SCARA3: variants seen among roughly 807,000 people sequenced by gnomAD.
SCARA3 encodes the protein cellular stress response gene protein.
SCARA3 carries 39 observed loss-of-function variants against 47.0 expected under a neutral mutation model. That is an observed-to-expected ratio of 0.83 (90% confidence interval 0.64 to 1.08). The LOEUF (loss-of-function observed/expected upper bound fraction) is 1.08. Among genes scored for constraint, SCARA3 ranks in the 50% least tolerant of loss-of-function variants. The probability of loss-of-function intolerance (pLI) is 0.00; values close to 1 mark genes in which losing one functional copy is unlikely to be tolerated. For synonymous variants in SCARA3, 356 were observed against 334.1 expected, an observed-to-expected ratio of 1.07 and a Z score of -0.71; for missense variants, 724 against 792.3, an observed-to-expected ratio of 0.91 and a Z score of 1.04.
chr8:27,663,941 A>G (rs1801964103), intron 5 of SCARA3, among the ~76,000 whole-genome samples: 1 of 152,200 alleles, frequency 6.6e-6, no homozygotes, highest in South Asian at 2.1e-4. Context: ...TCTAATGATG[A>G]ATATGTTACC....
Position 27,672,499 on chromosome 8 carries a change from C to G in SCARA3, c.*1148C>G. The G allele has an allele frequency of 2.2e-5, 22 of 985,636 alleles. No individual in the cohort carries two copies. The highest frequency in any genetic ancestry group is 2.7e-5 in the Non-Finnish European group (22 of 830,080). The allele number at this position is 985,636 out of a possible 1,614,324, so 61.1% of individuals were successfully genotyped here. On this transcript the variant is annotated 3_prime_UTR_variant, in exon 6 of 6. Transcript: ENST00000301904. ...CTGCAGAAGGGCCAACCCCTTGCAACAGGGCAGCTCTCGCCTCCCGCACAC... is the reference window on the plus strand; with the variant it reads ...CTGCAGAAGGGCCAACCCCTTGCAAGAGGGCAGCTCTCGCCTCCCGCACAC...
chr8:27,729,931 C>T, the SCARA3 span, among the ~76,000 whole-genome samples: 10 of 152,102 alleles, frequency 6.6e-5, no homozygotes, highest in Non-Finnish European at 1.3e-4. Context: ...ATTAAATATC[C>T]TCACCCACAC....
At chr8:27,708,723 C>A in the SCARA3 span, among the ~76,000 whole-genome samples, 9 of 151,830 alleles carry the variant, frequency 5.9e-5, no homozygotes, top group Admixed American at 3.3e-4. Flanking sequence ...TCAGGGGGTA[C>A]ATGTGGAGGT....
chr8:27,671,360 G>A lies in SCARA3; in HGVS notation c.*9G>A. 7.1e-7 allele frequency: 1 copy of A among 1,408,074 alleles called. No homozygotes were observed. The highest frequency in any genetic ancestry group is 9.2e-7 in the Non-Finnish European group (1 of 1,084,274). 87.2% of individuals were successfully genotyped at this position (1,408,074 alleles called of 1,614,324 possible). On this transcript the variant is annotated 3_prime_UTR_variant, in exon 6 of 6. Transcript: ENST00000301904. ...GCCAGAGCTTCTACTGAGGAGGGCT[G>A]TGGCAGAGCCACTGTCACACAGAAT... is the stretch of plus-strand genomic sequence containing the variant.
At chr8:27,674,137 ATGTGGCCCTTTGGAGTATC>A (rs1444621757), downstream of SCARA3, among the ~76,000 whole-genome samples, 1 of 152,212 alleles carries the variant, frequency 6.6e-6, no homozygotes. Context: ...CTTAGTATTA[ATGTGGCCCTTTGGAGTATC>A]TGGACAGCTC....
At chr8:27,639,903 C>T (rs1246194398) in intron 1 of SCARA3, among the ~76,000 whole-genome samples, 2 of 152,128 alleles carry the variant, frequency 1.3e-5, no homozygotes, top group African/African-American at 4.8e-5. Context: ...TCAGAGAAGG[C>T]CAGGTTGCAA....
chr8:27,699,332 T>A, the SCARA3 span, among the ~76,000 whole-genome samples: 1 of 151,598 alleles, frequency 6.6e-6, no homozygotes, highest in Non-Finnish European at 1.5e-5. Context: ...CCAGCAGCCT[T>A]ATTTTTCTTT....
At chr8:27,643,783 AC>A (rs1801433891) in intron 1 of SCARA3, among the ~76,000 whole-genome samples, 2 of 152,300 alleles carry the variant, frequency 1.3e-5, no homozygotes, top group South Asian at 2.1e-4. Flanking sequence ...CCAAAGAAAG[AC>A]CTTTTATTCA....
chr8:27,671,276 G>C lies in SCARA3; in HGVS notation c.1746G>C (p.Lys582Asn), dbSNP rs1802148988. The C allele has an allele frequency of 2.1e-6, 3 of 1,452,446 alleles. No individual in the cohort carries two copies. Among genetic ancestry groups the C allele is most frequent in the Non-Finnish European group, 2.7e-6 (3 of 1,103,776 alleles). 90.0% of individuals were successfully genotyped at this position (1,452,446 alleles called of 1,614,324 possible). Residue 582 changes from lysine to asparagine, a missense_variant, in exon 6 of 6, where the codon AAG (lysine) becomes AAC (asparagine). Lys to Asn is a moderately conservative substitution (Grantham distance 94). Coordinates refer to ENST00000301904, the MANE Select transcript of SCARA3 (RefSeq NM_016240.3). ...SPGQRGAMGP[K>N]GEPGIQGPPG... The stretch of plus-strand genomic sequence containing the variant: ...GCCAGCGGGGGGCCATGGGGCCTAA[G>C]GGTGAACCAGGGATCCAGGGTCCCC...
chr8:27,650,877 GC>G (rs1801616509), intron 2 of SCARA3, among the ~76,000 whole-genome samples: 1 of 152,108 alleles, frequency 6.6e-6, no homozygotes, highest in Non-Finnish European at 1.5e-5. Flanking sequence ...AGGGTGTGGG[GC>G]TTTTCATTTT....
the SCARA3 span, among the ~76,000 whole-genome samples, chr8:27,689,495 T>A: frequency 1.8e-4 from 27 of 152,164 alleles, no homozygotes; most frequent in African/African-American, 6.3e-4. Flanking sequence ...CCCACTCATA[T>A]CTCATAACCT....
intron 5 of SCARA3, among the ~76,000 whole-genome samples, chr8:27,660,850 A>AGC (rs1563410410): frequency 8.5e-5 from 8 of 94,576 alleles, no homozygotes; most frequent in African/African-American, 2.7e-4. Flanking sequence ...AGCTAGATAG[A>AGC]TAGATAGATA....
At chr8:27,724,612 C>T in the SCARA3 span, among the ~76,000 whole-genome samples, 3 of 152,280 alleles carry the variant, frequency 2.0e-5, no homozygotes, top group Middle Eastern at 3.4e-3. Context: ...GAGCCAAGAT[C>T]GCACCATTGC....
Position 27,634,200 on chromosome 8 carries a change from C to T in SCARA3, c.-1C>T. ...CTCCTGAGGCCCCAGAGGAAGAGACCATGAAAGGTAAGGGCGGCCTGTCGG... is the reference window on the plus strand; with the variant it reads ...CTCCTGAGGCCCCAGAGGAAGAGACTATGAAAGGTAAGGGCGGCCTGTCGG... On this transcript the variant is annotated 5_prime_UTR_variant, in exon 1 of 6. Coordinates refer to ENST00000301904, the MANE Select transcript of SCARA3 (RefSeq NM_016240.3). The T allele has an allele frequency of 7.1e-7, 1 of 1,407,870 alleles. No homozygotes were observed. The allele number at this position is 1,407,870 out of a possible 1,614,324, so 87.2% of individuals were successfully genotyped here. A position where few individuals can be genotyped will look rare whatever the true frequency, so the allele number is the denominator to read the frequency against.
In SCARA3 at chr8:27,658,666, CA is replaced by C. The variant is rs1801813716; in HGVS notation, c.499del (p.Ile167SerfsTer26). On this transcript the variant is annotated frameshift_variant, in exon 5 of 6. Transcript: ENST00000301904. LOFTEE classifies it high-confidence loss of function. Reference protein sequence around the residue: ...AQEVLSTTSRQISQEMGSCSF... With the variant: ...AQEVLSTTSRXISQEMGSCSF... Reference sequence around the variant, plus strand: ...GGAGGTGCTCTCCACCACCAGCAGACAAATCTCCCAGGAGATGGGCAGTTGC... The same window carrying C: ...GGAGGTGCTCTCCACCACCAGCAGACAATCTCCCAGGAGATGGGCAGTTGC... 1 of 1,614,100 alleles carries C rather than the reference CA, an allele frequency of 6.2e-7. No individual in the cohort carries two copies. Among genetic ancestry groups the C allele is most frequent in the Non-Finnish European group, 8.5e-7 (1 of 1,179,998 alleles).
chr8:27,645,329 C>T (rs1202860788), intron 1 of SCARA3, among the ~76,000 whole-genome samples: 3 of 152,238 alleles, frequency 2.0e-5, no homozygotes, highest in African/African-American at 7.2e-5. Context: ...CCAGAAAACA[C>T]ATCTTTATGG....
downstream of SCARA3, among the ~76,000 whole-genome samples, chr8:27,676,317 G>A (rs778791711): frequency 5.3e-5 from 8 of 152,156 alleles, no homozygotes; most frequent in Non-Finnish European, 1.0e-4. Flanking sequence ...TGGGTTTCCC[G>A]GTTCCAGCTG....
chr8:27,664,679 C>T (rs771106013), intron 5 of SCARA3, among the ~76,000 whole-genome samples: 20 of 152,094 alleles, frequency 1.3e-4, no homozygotes, highest in Non-Finnish European at 2.8e-4. Flanking sequence ...ACCAATAGTA[C>T]TCTTGAAATT....
chr8:27,685,102 A>G, the SCARA3 span, among the ~76,000 whole-genome samples: 1 of 152,200 alleles, frequency 6.6e-6, no homozygotes, highest in African/African-American at 2.4e-5. Flanking sequence ...AATATTGATC[A>G]AGAAAATGAA....
Sources: allele counts gnomAD v4.1 joint callset (sites outside exome capture counted in the v4.1 genomes callset), GRCh38; gene constraint gnomAD v4.1.1; transcripts MANE v1.5; gene names NCBI Gene and HGNC (gene_info 2026-07-23, HGNC 2026-07-21).